Variants in MAGI2 observed in about 807,000 individuals in gnomAD.
MAGI2 encodes membrane-associated guanylate kinase, WW and PDZ domain-containing protein 2.
MAGI2 carries 35 observed loss-of-function variants against 133.3 expected under a neutral mutation model. That is an observed-to-expected ratio of 0.26 (90% CI 0.20 to 0.35). The LOEUF (loss-of-function observed/expected upper bound fraction) is 0.35, where lower values mean the gene tolerates loss of function less well. Ranked by LOEUF, MAGI2 falls within the 10% of genes least tolerant of loss-of-function variation. The probability of loss-of-function intolerance (pLI) is 1.00; values close to 1 mark genes in which losing one functional copy is unlikely to be tolerated. For synonymous variants in MAGI2, 729 were observed against 710.6 expected (o/e 1.03, Z -0.41); for missense variants, 1,636 against 1,863.4 (o/e 0.88, Z 2.25).
At chr7:78,241,963 C>T (rs1355806658) in intron 10 of MAGI2, among the ~76,000 whole-genome samples, 2 of 149,458 alleles carry the variant, frequency 1.3e-5, no homozygotes, top group Non-Finnish European at 3.0e-5. Flanking sequence ...ACCTGATCAC[C>T]TGATGACGTG....
intron 1 of MAGI2, among the ~76,000 whole-genome samples, chr7:79,214,405 CTCTATATA>C (rs1307590464): frequency 4.1e-3 from 124 of 30,484 alleles, no homozygotes; most frequent in Middle Eastern, 0.025. Flanking sequence ...CTCTCTCTCT[CTCTATATA>C]TATATATATA....
chr7:78,085,573 C>T (rs1816547262), intron 20 of MAGI2, among the ~76,000 whole-genome samples: 1 of 142,550 alleles, frequency 7.0e-6, no homozygotes, highest in African/African-American at 2.9e-5. Flanking sequence ...CACACACACA[C>T]ACACACACAA....
intron 2 of MAGI2, among the ~76,000 whole-genome samples, chr7:78,682,569 T>C (rs975105454): frequency 1.3e-5 from 2 of 152,224 alleles, no homozygotes; most frequent in Non-Finnish European, 1.5e-5. Flanking sequence ...TTTGTGTGGC[T>C]GCATAGTATT....
At position 78,924,796 on chromosome 7, in the gene MAGI2, G is replaced by C. The variant is rs562754841; in HGVS notation, c.418+82294C>G. ...TCGTCTTCTCATTTGTTGAACAACA[G>C]TTCCCCCTACTGGAATACTTGCTGA... On this transcript the variant is annotated intron_variant, in intron 2 of 21. Transcript: ENST00000354212. 2.0e-5 allele frequency among the ~76,000 whole-genome samples: 3 copies of C among 151,900 alleles called. No homozygotes were observed. In the South Asian group the frequency reaches 6.2e-4, roughly 32 times the overall value.
At chr7:79,242,310 A>G (rs1832475526) in intron 1 of MAGI2, among the ~76,000 whole-genome samples, 1 of 152,160 alleles carries the variant, frequency 6.6e-6, no homozygotes, top group Non-Finnish European at 1.5e-5. Flanking sequence ...TTATCTGTCA[A>G]TTAAGAAGAA....
chr7:79,280,033 T>C (rs1403273932), intron 1 of MAGI2, among the ~76,000 whole-genome samples: 1 of 152,184 alleles, frequency 6.6e-6, no homozygotes, highest in Non-Finnish European at 1.5e-5. Flanking sequence ...TTATTTTTTA[T>C]TTTTTTAGCA....
intron 1 of MAGI2, among the ~76,000 whole-genome samples, chr7:79,109,952 C>T (rs1818780320): frequency 6.6e-6 from 1 of 152,138 alleles, no homozygotes; most frequent in Non-Finnish European, 1.5e-5. Flanking sequence ...GTCACAACTG[C>T]CCTGTGCCAC....
intron 3 of MAGI2, among the ~76,000 whole-genome samples, chr7:78,538,164 C>G (rs918747757): frequency 6.6e-6 from 1 of 152,168 alleles, no homozygotes; most frequent in African/African-American, 2.4e-5. Context: ...TCTGGATTCT[C>G]TATGCTGTTC....
chr7:79,409,066 A>G (rs1478490826), intron 1 of MAGI2, among the ~76,000 whole-genome samples: 2 of 152,158 alleles, frequency 1.3e-5, no homozygotes, highest in Non-Finnish European at 2.9e-5. Context: ...GCTGACAAGT[A>G]TTCAGACACA....
intron 3 of MAGI2, among the ~76,000 whole-genome samples, chr7:78,569,147 C>CACACACAT (rs149722220): frequency 1.1e-4 from 16 of 150,452 alleles, no homozygotes; most frequent in Admixed American, 9.3e-4. Flanking sequence ...CACACACACA[C>CACACACAT]GTCACTATTC....
At chr7:78,219,195 T>G (rs1159952881) in intron 10 of MAGI2, among the ~76,000 whole-genome samples, 2 of 152,178 alleles carry the variant, frequency 1.3e-5, no homozygotes, top group African/African-American at 4.8e-5. Context: ...TCTCCCTCTC[T>G]CTCATGGTTT....
chr7:78,401,594 A>G (rs1796874704), intron 6 of MAGI2, among the ~76,000 whole-genome samples: 1 of 152,032 alleles, frequency 6.6e-6, no homozygotes, highest in African/African-American at 2.4e-5. Flanking sequence ...AAGTTTTGAT[A>G]GTCTCTTATT....
At chr7:78,533,037 G>C (rs1342571673) in intron 3 of MAGI2, among the ~76,000 whole-genome samples, 1 of 151,960 alleles carries the variant, frequency 6.6e-6, no homozygotes, top group East Asian at 1.9e-4. Flanking sequence ...TGCCTCCCGG[G>C]TTCATGCCAT....
intron 1 of MAGI2, among the ~76,000 whole-genome samples, chr7:79,406,496 T>A (rs1428992031): frequency 6.6e-6 from 1 of 152,144 alleles, no homozygotes. Context: ...AGAGATTTGG[T>A]TGCATTGTAA....
intron 1 of MAGI2, among the ~76,000 whole-genome samples, chr7:79,045,967 G>T (rs1285406589): frequency 6.6e-6 from 1 of 152,154 alleles, no homozygotes; most frequent in African/African-American, 2.4e-5. Flanking sequence ...CAAATTGCTG[G>T]TTTTGACATT....
chr7:78,822,004 T>C (rs1456306864), intron 2 of MAGI2, among the ~76,000 whole-genome samples: 1 of 152,050 alleles, frequency 6.6e-6, no homozygotes, highest in Non-Finnish European at 1.5e-5. Flanking sequence ...GTTGGCTGTA[T>C]CCACAGATAT....
At chr7:78,943,417 G>C (rs1055334013) in intron 2 of MAGI2, among the ~76,000 whole-genome samples, 3 of 152,078 alleles carry the variant, frequency 2.0e-5, no homozygotes, top group Non-Finnish European at 4.4e-5. Flanking sequence ...ACTTACTTAA[G>C]AGAACATGGC....
chr7:79,233,831 G>A (rs1460720831), intron 1 of MAGI2, among the ~76,000 whole-genome samples: 6 of 149,438 alleles, frequency 4.0e-5, no homozygotes, highest in Admixed American at 2.0e-4. Flanking sequence ...ATTTGATCCT[G>A]TCATTATGAT....
At chr7:78,827,138 G>A (rs1026438657) in intron 2 of MAGI2, among the ~76,000 whole-genome samples, 1 of 152,080 alleles carries the variant, frequency 6.6e-6, no homozygotes, top group South Asian at 2.1e-4. Flanking sequence ...CTAAGTCAGT[G>A]TACACACATC....
Sources: allele counts gnomAD v4.1 joint callset (sites outside exome capture counted in the v4.1 genomes callset), GRCh38; gene constraint gnomAD v4.1.1; transcripts MANE v1.5; gene names NCBI Gene and HGNC (gene_info 2026-07-23, HGNC 2026-07-21).